Variants in ADCY2 observed in about 807,000 individuals in gnomAD.
ADCY2 encodes the protein adenylate cyclase 2.
In ADCY2, 31 loss-of-function variants were observed where a neutral mutation model predicts 125.2. That is an observed-to-expected ratio of 0.25 (90% CI 0.19 to 0.33). ADCY2 has a LOEUF of 0.33. Among genes scored for constraint, ADCY2 ranks in the 10% least tolerant of loss-of-function variants. The probability of loss-of-function intolerance (pLI) is 1.00; values close to 1 mark genes in which losing one functional copy is unlikely to be tolerated. For synonymous variants in ADCY2, 512 were observed against 548.4 expected, an observed-to-expected ratio of 0.93 and a Z score of 0.93; for missense variants, 904 against 1,418.2, an observed-to-expected ratio of 0.64 and a Z score of 5.82.
chr5:7,683,538 T>C (rs1740408811), intron 4 of ADCY2, among the ~76,000 whole-genome samples: 1 of 152,086 alleles, frequency 6.6e-6, no homozygotes, highest in Admixed American at 6.5e-5. Context: ...ACACTGCTGG[T>C]CCCAAAGAGG....
At chr5:7,536,937 A>G (rs12152941) in intron 3 of ADCY2, among the ~76,000 whole-genome samples, 12,672 of 152,230 alleles carry the variant, frequency 0.083, 747 homozygotes, top group Non-Finnish European at 0.13. Context: ...CGTTGATCTA[A>G]CATATTTAGA....
At chr5:7,624,101 C>A (rs1300978513) in intron 3 of ADCY2, among the ~76,000 whole-genome samples, 1 of 152,186 alleles carries the variant, frequency 6.6e-6, no homozygotes, top group African/African-American at 2.4e-5. Context: ...CTGGACCCCA[C>A]TTCTATTGTG....
intron 3 of ADCY2, among the ~76,000 whole-genome samples, chr5:7,624,595 G>A (rs1464912543): frequency 6.6e-6 from 1 of 152,172 alleles, no homozygotes; most frequent in African/African-American, 2.4e-5. Context: ...AATTTCTCCT[G>A]CTCTCCTTGG....
intron 3 of ADCY2, among the ~76,000 whole-genome samples, chr5:7,582,314 C>T (rs772703246): frequency 1.1e-4 from 17 of 151,992 alleles, no homozygotes; most frequent in Non-Finnish European, 2.4e-4. Flanking sequence ...GAGTAAGAGA[C>T]AAATCCTCTT....
At chr5:7,627,616 A>G (rs941317925) in intron 4 of ADCY2, among the ~76,000 whole-genome samples, 1 of 152,188 alleles carries the variant, frequency 6.6e-6, no homozygotes, top group African/African-American at 2.4e-5. Flanking sequence ...ATCCTTAATT[A>G]TTGTTTGTGA....
chr5:7,673,524 G>C (rs12656107), intron 4 of ADCY2, among the ~76,000 whole-genome samples: 1 of 152,070 alleles, frequency 6.6e-6, no homozygotes, highest in South Asian at 2.1e-4. Flanking sequence ...CTGCACCTCA[G>C]CACTGTGGGC....
chr5:7,766,628 C>G, intron 16 of ADCY2, 59 bp from the exon 17 acceptor site: 1 of 1,576,088 alleles, frequency 6.3e-7, no homozygotes, highest in Non-Finnish European at 8.7e-7. Flanking sequence ...TTAGCACCCA[C>G]CTGCTAGTTA....
At chr5:7,555,679 C>T (rs1579568597) in intron 3 of ADCY2, among the ~76,000 whole-genome samples, 1 of 152,066 alleles carries the variant, frequency 6.6e-6, no homozygotes, top group African/African-American at 2.4e-5. Flanking sequence ...ATGACATTCC[C>T]ATAACTTTAG....
At chr5:7,581,762 A>G (rs564937605) in intron 3 of ADCY2, among the ~76,000 whole-genome samples, 36 of 150,310 alleles carry the variant, frequency 2.4e-4, no homozygotes, top group Non-Finnish European at 4.4e-4. Flanking sequence ...TGGAGCTTGC[A>G]GTGAGCTGAG....
At chr5:7,687,522 C>G (rs1455340531) in intron 4 of ADCY2, among the ~76,000 whole-genome samples, 1 of 152,078 alleles carries the variant, frequency 6.6e-6, no homozygotes, top group Non-Finnish European at 1.5e-5. Context: ...AGGTCCGCTC[C>G]CTCCAAAGAG....
intron 4 of ADCY2, among the ~76,000 whole-genome samples, chr5:7,668,254 T>C (rs1739823514): frequency 1.3e-5 from 2 of 152,216 alleles, no homozygotes; most frequent in African/African-American, 4.8e-5. Flanking sequence ...TTACCCTCTA[T>C]AATGCGGGTG....
chr5:7,723,155 G>A (rs950552880), intron 12 of ADCY2, among the ~76,000 whole-genome samples: 1 of 151,810 alleles, frequency 6.6e-6, no homozygotes, highest in Admixed American at 6.6e-5. Context: ...GAGGGTGGAG[G>A]GTGGGAGGAG....
chr5:7,693,579 C>T (rs560577413), intron 5 of ADCY2, among the ~76,000 whole-genome samples: 1 of 152,084 alleles, frequency 6.6e-6, no homozygotes, highest in Non-Finnish European at 1.5e-5. Context: ...CCACTGTGCC[C>T]AGTTAAGTTT....
chr5:7,747,548 T>C (rs1742667754), intron 15 of ADCY2, among the ~76,000 whole-genome samples: 1 of 152,170 alleles, frequency 6.6e-6, no homozygotes, highest in Non-Finnish European at 1.5e-5. Flanking sequence ...AATGATCACG[T>C]GGATGAGAGA....
chr5:7,511,137 T>TCACAAATG (rs1394856529), intron 2 of ADCY2, among the ~76,000 whole-genome samples: 1 of 152,160 alleles, frequency 6.6e-6, no homozygotes, highest in Non-Finnish European at 1.5e-5. Context: ...TGGGTAGAAT[T>TCACAAATG]CACAAATGCA....
chr5:7,598,951 T>C (rs1737105223), intron 3 of ADCY2, among the ~76,000 whole-genome samples: 1 of 152,234 alleles, frequency 6.6e-6, no homozygotes, highest in Non-Finnish European at 1.5e-5. Flanking sequence ...TGTGTGAAGA[T>C]GCTGAGATCT....
At chr5:7,470,741 A>G (rs956420591) in intron 2 of ADCY2, among the ~76,000 whole-genome samples, 18 of 151,426 alleles carry the variant, frequency 1.2e-4, no homozygotes, top group African/African-American at 3.6e-4. Flanking sequence ...GAAAGAAAGT[A>G]TAGTCTACCA....
chr5:7,534,193 T>C (rs1351747794), intron 3 of ADCY2, among the ~76,000 whole-genome samples: 1 of 152,212 alleles, frequency 6.6e-6, no homozygotes, highest in Non-Finnish European at 1.5e-5. Flanking sequence ...CCTTCTAATC[T>C]GTGTTCTCTT....
chr5:7,498,403 C>T (rs896136064), intron 2 of ADCY2, among the ~76,000 whole-genome samples: 37 of 151,972 alleles, frequency 2.4e-4, no homozygotes, highest in Non-Finnish European at 4.9e-4. Context: ...CGCCCCCCAC[C>T]GCACCTGGCT....
Sources: gnomAD v4.1 joint callset for allele counts (sites outside exome capture counted in the v4.1 genomes callset) on GRCh38, gnomAD v4.1.1 for gene constraint, MANE v1.5 for transcripts, NCBI Gene and HGNC (gene_info 2026-07-23, HGNC 2026-07-21) for gene names.